NEK10: variants seen among roughly 807,000 people sequenced by gnomAD.
The protein encoded by NEK10 is serine/threonine-protein kinase Nek10.
Under a neutral mutation model 159.8 loss-of-function variants are expected in NEK10, and 122 were observed. The observed-to-expected ratio is 0.76, with a 90% confidence interval of 0.66 to 0.89. The LOEUF (loss-of-function observed/expected upper bound fraction) is 0.89. NEK10 is among the 40% of genes least tolerant of loss of function. NEK10 has a pLI of 0.00. For synonymous variants in NEK10, 466 were observed against 457.1 expected, an observed-to-expected ratio of 1.02 and a Z score of -0.25; for missense variants, 1,342 against 1,323.1, an observed-to-expected ratio of 1.01 and a Z score of -0.22.
intron 35 of NEK10, among the ~76,000 whole-genome samples, chr3:27,113,435 C>CAAAAAAAAAAAAAAAAA (rs3034425): frequency 3.7e-5 from 3 of 81,512 alleles, no homozygotes; most frequent in Non-Finnish European, 6.9e-5. Context: ...GATTCCATCT[C>CAAAAAAAAAAAAAAAAA]AAAAAAAAAA....
chr3:27,261,473 G>C (rs1294998803), intron 22 of NEK10, among the ~76,000 whole-genome samples: 1 of 152,062 alleles, frequency 6.6e-6, no homozygotes, highest in Non-Finnish European at 1.5e-5. Context: ...CCTTCATTTC[G>C]TTATGTACCC....
At chr3:27,317,038 T>C (rs1329147822) in intron 6 of NEK10, among the ~76,000 whole-genome samples, 1 of 152,212 alleles carries the variant, frequency 6.6e-6, no homozygotes, top group Non-Finnish European at 1.5e-5. Flanking sequence ...AGTGCTGCTA[T>C]AGAGTAGAAG....
chr3:27,151,774 G>T (rs1422234789), intron 30 of NEK10, among the ~76,000 whole-genome samples: 1 of 152,240 alleles, frequency 6.6e-6, no homozygotes, highest in South Asian at 2.1e-4. Flanking sequence ...AGAAGTGAAG[G>T]GAGAAATATT....
intron 31 of NEK10, among the ~76,000 whole-genome samples, chr3:27,133,288 T>C (rs574029760): frequency 1.3e-5 from 2 of 152,288 alleles, no homozygotes; most frequent in African/African-American, 4.8e-5. Flanking sequence ...TACTCAAGTT[T>C]TGTCAGACAG....
chr3:27,331,528 T>C (rs1485095737), intron 5 of NEK10, among the ~76,000 whole-genome samples: 1 of 152,196 alleles, frequency 6.6e-6, no homozygotes, highest in Non-Finnish European at 1.5e-5. Flanking sequence ...ACTGAAGAGA[T>C]TGTCCCTGCA....
chr3:27,208,888 C>G (rs1950760389), intron 23 of NEK10, among the ~76,000 whole-genome samples: 1 of 152,188 alleles, frequency 6.6e-6, no homozygotes, highest in Non-Finnish European at 1.5e-5. Flanking sequence ...TCACAGATGA[C>G]TACTGCCGTT....
intron 33 of NEK10, among the ~76,000 whole-genome samples, chr3:27,119,045 A>G (rs1312131325): frequency 6.6e-6 from 1 of 152,256 alleles, no homozygotes; most frequent in East Asian, 1.9e-4. Flanking sequence ...CTGAAACCTC[A>G]GAGTAGCTTG....
At chr3:27,270,485 C>A (rs572876712) in intron 22 of NEK10, among the ~76,000 whole-genome samples, 34 of 152,088 alleles carry the variant, frequency 2.2e-4, no homozygotes, top group Non-Finnish European at 2.5e-4. Flanking sequence ...GGACTCCTGA[C>A]CCTCAGAAAT....
chr3:27,147,567 G>A (rs1944425121), intron 30 of NEK10, among the ~76,000 whole-genome samples: 1 of 152,180 alleles, frequency 6.6e-6, no homozygotes, highest in Non-Finnish European at 1.5e-5. Context: ...AAGGCCAGAG[G>A]CAAGGCTGCT....
At chr3:27,290,528 A>T in intron 19 of NEK10, 89 bp downstream of exon 19, 1 of 956,696 alleles carries the variant, frequency 1.0e-6, no homozygotes, top group African/African-American at 1.7e-5. Context: ...CTAGTTCATA[A>T]GCAGCATGGA....
At chr3:27,323,408 G>A (rs1396494651) in intron 5 of NEK10, among the ~76,000 whole-genome samples, 2 of 152,274 alleles carry the variant, frequency 1.3e-5, no homozygotes, top group Middle Eastern at 6.8e-3. Flanking sequence ...GGTGGTTGGT[G>A]CAAGTGTTGT....
intron 5 of NEK10, among the ~76,000 whole-genome samples, chr3:27,331,262 A>AAAAAAACAC: frequency 4.5e-5 from 5 of 110,080 alleles, no homozygotes; most frequent in Admixed American, 1.2e-4. Context: ...AAAAAAAAAA[A>AAAAAAACAC]ACACACAAAC....
intron 28 of NEK10, among the ~76,000 whole-genome samples, chr3:27,172,975 A>G (rs1252086325): frequency 6.6e-6 from 1 of 152,200 alleles, no homozygotes; most frequent in African/African-American, 2.4e-5. Context: ...CAGTCAAACA[A>G]CATTCAAGAA....
chr3:27,254,119 G>A (rs1396623031), intron 23 of NEK10, among the ~76,000 whole-genome samples: 1 of 152,036 alleles, frequency 6.6e-6, no homozygotes, highest in Non-Finnish European at 1.5e-5. Context: ...CCAACCCCCG[G>A]CCCACGGACC....
chr3:27,318,918 GA>G (rs113981891), intron 6 of NEK10, among the ~76,000 whole-genome samples: 2,015 of 147,668 alleles, frequency 0.014, 138 homozygotes, highest in Admixed American at 0.12. Context: ...AGACAATAAA[GA>G]AAAAAAAAAC....
intron 9 of NEK10, chr3:27,310,648 G>T: frequency 3.7e-6 from 1 of 269,860 alleles, no homozygotes; most frequent in Non-Finnish European, 6.9e-6. Context: ...GCACACCTAG[G>T]GTGTATTTAT....
At chr3:27,315,140 C>CT (rs1451165008) in intron 6 of NEK10, among the ~76,000 whole-genome samples, 1 of 152,134 alleles carries the variant, frequency 6.6e-6, no homozygotes, top group African/African-American at 2.4e-5. Context: ...TGGCTTTAAC[C>CT]TGCTTAATTA....
intron 13 of NEK10, among the ~76,000 whole-genome samples, chr3:27,299,351 A>C (rs1222284474): frequency 6.6e-6 from 1 of 152,208 alleles, no homozygotes; most frequent in African/African-American, 2.4e-5. Flanking sequence ...CTGCTTGTAC[A>C]CAAAAGTCAA....
chr3:27,181,731 G>T (rs1329639964), intron 26 of NEK10, among the ~76,000 whole-genome samples: 1 of 151,722 alleles, frequency 6.6e-6, no homozygotes, highest in Non-Finnish European at 1.5e-5. Flanking sequence ...TCTATTATTT[G>T]TCTTCTCTCA....
Sources: gnomAD v4.1 joint callset for allele counts (sites outside exome capture counted in the v4.1 genomes callset) on GRCh38, gnomAD v4.1.1 for gene constraint, MANE v1.5 for transcripts, NCBI Gene and HGNC (gene_info 2026-07-23, HGNC 2026-07-21) for gene names.